Variants in BHMT2 observed in about 807,000 individuals in gnomAD.
BHMT2 encodes S-methylmethionine--homocysteine S-methyltransferase BHMT2.
In BHMT2, 28 loss-of-function variants were observed where a neutral mutation model predicts 39.0. That is an observed-to-expected ratio of 0.72 (90% CI 0.53 to 0.98). The LOEUF (loss-of-function observed/expected upper bound fraction) is 0.98, where lower values mean the gene tolerates loss of function less well. Among genes scored for constraint, BHMT2 ranks in the 50% least tolerant of loss-of-function variants. The pLI, the probability that BHMT2 is intolerant of heterozygous loss-of-function variation, is 0.00. For synonymous variants in BHMT2, 145 were observed against 160.6 expected, an observed-to-expected ratio of 0.90 and a Z score of 0.74; for missense variants, 410 against 455.6, an observed-to-expected ratio of 0.90 and a Z score of 0.91.
chr5:79,088,458 TTTAA>T lies in BHMT2; in HGVS notation c.1011-23_1011-20del, dbSNP rs750798062. 2.0e-5 allele frequency: 32 copies of T among 1,567,732 alleles called. 1 individual carries two copies. Among genetic ancestry groups the T allele is most frequent in the East Asian group, 4.5e-5 (2 of 44,274 alleles). ...ACATATTGGACTTATAGGTAAGACT[TTTAA>T]TTAATTAATTATGTATATATTGAAA... On this transcript the variant is annotated intron_variant, in intron 7 of 7. Transcript: ENST00000255192.
At chr5:79,079,000 T>C (rs1755730651) in intron 2 of BHMT2, among the ~76,000 whole-genome samples, 1 of 152,208 alleles carries the variant, frequency 6.6e-6, no homozygotes, top group African/African-American at 2.4e-5. Context: ...AGCTCCTCAC[T>C]TTACTTTAAG....
intron 1 of BHMT2, among the ~76,000 whole-genome samples, chr5:79,074,745 A>C (rs376437307): frequency 1.4e-4 from 22 of 152,330 alleles, no homozygotes; most frequent in African/African-American, 4.6e-4. Flanking sequence ...CCGAAGGATT[A>C]GCGTTGGAGC....
At chr5:79,077,329 C>A (rs1755690135) in intron 1 of BHMT2, 151 bp from the exon 2 acceptor site, 11 of 1,032,470 alleles carry the variant, frequency 1.1e-5, no homozygotes, top group African/African-American at 1.6e-5. Context: ...ATATGGTATG[C>A]TCAATCTTTC....
chr5:79,072,603 C>T (rs1049562358), intron 1 of BHMT2, among the ~76,000 whole-genome samples: 3 of 152,136 alleles, frequency 2.0e-5, no homozygotes, highest in African/African-American at 7.2e-5. Context: ...TCACCTGCCC[C>T]CAAGCCTCTT....
At chr5:79,072,643 C>T (rs1282931459) in intron 1 of BHMT2, among the ~76,000 whole-genome samples, 5 of 152,158 alleles carry the variant, frequency 3.3e-5, no homozygotes, top group African/African-American at 9.7e-5. Context: ...AAGTAAGTAA[C>T]CAGATACTGC....
At chr5:79,079,332 C>G (rs1755737251) in intron 2 of BHMT2, 37 bp from the exon 3 acceptor site, 1 of 1,418,142 alleles carries the variant, frequency 7.1e-7, no homozygotes, top group Non-Finnish European at 9.9e-7. Context: ...TTTCTTTATT[C>G]ATTTATTTCA....
Position 79,083,790 on chromosome 5 carries a change from C to T in BHMT2, c.944C>T (p.Ala315Val), listed in dbSNP as rs1755841147. Residue 315 changes from alanine (A) to valine (V), a missense_variant, in exon 7 of 8, where the codon GCT (alanine) becomes GTT (valine). Ala to Val is a moderately conservative substitution (Grantham distance 64). Coordinates refer to ENST00000255192, the MANE Select transcript of BHMT2 (RefSeq NM_017614.5). Reference sequence around the variant, plus strand: ...CCAGAAAGGGGCTTTTTGCCACCAGCTTCAGAAAAACACGGCAGCTGGGGA... The same window carrying T: ...CCAGAAAGGGGCTTTTTGCCACCAGTTTCAGAAAAACACGGCAGCTGGGGA... Reference protein sequence around the residue: ...LAPERGFLPPASEKHGSWGSG... With the variant: ...LAPERGFLPPVSEKHGSWGSG... 6.2e-7 allele frequency: 1 copy of T among 1,614,146 alleles called. No homozygotes were observed. Among genetic ancestry groups the T allele is most frequent in the Non-Finnish European group, 8.5e-7 (1 of 1,180,030 alleles).
At chr5:79,085,566 A>G (rs1392152816) in intron 7 of BHMT2, among the ~76,000 whole-genome samples, 1 of 152,156 alleles carries the variant, frequency 6.6e-6, no homozygotes, top group Non-Finnish European at 1.5e-5. Flanking sequence ...CTATAATCCC[A>G]ACTACTCGGG....
intron 7 of BHMT2, among the ~76,000 whole-genome samples, chr5:79,087,730 G>A (rs1001657569): frequency 6.6e-6 from 1 of 152,162 alleles, no homozygotes; most frequent in Non-Finnish European, 1.5e-5. Context: ...TATTGGTAAA[G>A]TAATTTGTAT....
rs184426439 is a variant in BHMT2, at chr5:79,084,309, C to T, written c.1010+453C>T. On this transcript the variant is annotated intron_variant, in intron 7 of 7. Coordinates refer to ENST00000255192, the MANE Select transcript of BHMT2 (RefSeq NM_017614.5). ...TGTTTGTTTCTGAGATGGAGTCTGGCTCTGTTGTCCAGGCTGCAGTGCAAT... is the reference window on the plus strand; with the variant it reads ...TGTTTGTTTCTGAGATGGAGTCTGGTTCTGTTGTCCAGGCTGCAGTGCAAT... Among the ~76,000 whole-genome samples, 452 of 152,266 alleles carry T rather than the reference C, an allele frequency of 3.0e-3. 1 individual carries two copies. The highest frequency in any genetic ancestry group is 0.01 in the African/African-American group (432 of 41,558).
intron 3 of BHMT2, 98 bp from the exon 4 acceptor site, chr5:79,080,589 A>C: frequency 1.0e-4 from 110 of 1,099,236 alleles, no homozygotes; most frequent in Non-Finnish European, 1.3e-4. Flanking sequence ...AGAGTGGCTT[A>C]TACTCATCTT....
rs764785479 is a variant in BHMT2 at position 79,080,709 on chromosome 5, C to T, written c.281C>T (p.Ala94Val). ...CAGTGGGAAGATGTAAATGCTGCTG[C>T]CTGTGACCTCGCCAGGGAAGTGGCT... ...ESKWEDVNAA[A>V]CDLAREVAGK... Residue 94 changes from alanine (A) to valine (V), a missense_variant, in exon 4 of 8, where the codon GCC (alanine) becomes GTC (valine). By Grantham distance (64) the Ala-to-Val change is moderately conservative. Coordinates refer to ENST00000255192, the MANE Select transcript of BHMT2 (RefSeq NM_017614.5). 1.3e-6 allele frequency: 2 copies of T among 1,598,144 alleles called. No individual in the cohort carries two copies. Among genetic ancestry groups the T allele is most frequent in the Middle Eastern group, 1.7e-4 (1 of 6,002 alleles).
chr5:79,084,563 A>G (rs1171154038), intron 7 of BHMT2, among the ~76,000 whole-genome samples: 1 of 152,078 alleles, frequency 6.6e-6, no homozygotes, highest in Non-Finnish European at 1.5e-5. Context: ...TTCTAAGGGC[A>G]CTAGTCCCAT....
intron 3 of BHMT2, among the ~76,000 whole-genome samples, chr5:79,080,190 G>A (rs1755758149): frequency 6.6e-6 from 1 of 152,188 alleles, no homozygotes; most frequent in South Asian, 2.1e-4. Context: ...ACACCTACCT[G>A]CATTGAGCAT....
At chr5:79,080,956 A>G (rs1393796120) in intron 4 of BHMT2, 78 bp downstream of exon 4, 4 of 1,309,948 alleles carry the variant, frequency 3.1e-6, no homozygotes, top group Non-Finnish European at 4.1e-6. Flanking sequence ...TCATGAGGGT[A>G]TTGGACAACA....
In BHMT2 at chr5:79,080,707, T is replaced by G. The variant is rs1486147057; in HGVS notation, c.279T>G (p.Ala93=). 1.3e-6 allele frequency: 2 copies of G among 1,594,924 alleles called. No individual in the cohort carries two copies. Among genetic ancestry groups the G allele is most frequent in the Non-Finnish European group, 1.7e-6 (2 of 1,174,758 alleles). ...MESKWEDVNA[A]ACDLAREVAG... is the part of the protein sequence containing the mutation. ...CTCAGTGGGAAGATGTAAATGCTGC[T>G]GCCTGTGACCTCGCCAGGGAAGTGG... Residue 93 remains alanine (A), a synonymous_variant, in exon 4 of 8, where the codon GCT becomes GCG. Coordinates refer to ENST00000255192, the MANE Select transcript of BHMT2 (RefSeq NM_017614.5).
chr5:79,069,780 AC>A lies in BHMT2; in HGVS notation c.-1del. On this transcript the variant is annotated 5_prime_UTR_variant, in exon 1 of 8. Transcript: ENST00000255192. ...AACCCGGCGCCCACAGAGCCGCGGC[AC>A]CATGGCACCTGCTGGACGCCCGGGG... 1 of 1,425,830 alleles carries A rather than the reference AC, an allele frequency of 7.0e-7. No individual in the cohort carries two copies. The highest frequency in any genetic ancestry group is 1.5e-5 in the South Asian group (1 of 66,254). 88.3% of individuals were successfully genotyped at this position (1,425,830 alleles called of 1,614,324 possible).
intron 7 of BHMT2, among the ~76,000 whole-genome samples, chr5:79,085,143 A>T (rs1391121248): frequency 3.3e-5 from 5 of 152,216 alleles, no homozygotes; most frequent in Non-Finnish European, 4.4e-5. Flanking sequence ...CTAAAAATAT[A>T]AAATCAGTGA....
chr5:79,078,945 ACT>A (rs1225406422), intron 2 of BHMT2, among the ~76,000 whole-genome samples: 2 of 152,120 alleles, frequency 1.3e-5, no homozygotes, highest in African/African-American at 4.8e-5. Context: ...GCTTGCTCTG[ACT>A]CTGATATGGG....
Sources: allele counts gnomAD v4.1 joint callset (sites outside exome capture counted in the v4.1 genomes callset), GRCh38; gene constraint gnomAD v4.1.1; transcripts MANE v1.5; gene names NCBI Gene and HGNC (gene_info 2026-07-23, HGNC 2026-07-21).